Variants in MRGPRG observed in about 807,000 individuals in gnomAD.
MRGPRG encodes MAS related GPR family member G, also known as mas-related G protein-coupled receptor member G.
For missense variants in MRGPRG, 395 were observed against 394.7 expected (o/e 1.00, Z -0.01); for synonymous variants, 216 against 206.7 (o/e 1.05, Z -0.39).
At position 3,218,623 on chromosome 11, in the gene MRGPRG, C is replaced by T. The variant is rs745915499; in HGVS notation, c.191G>A (p.Arg64His). 2.6e-6 allele frequency: 4 copies of T among 1,545,966 alleles called. No homozygotes were observed. The highest frequency in any genetic ancestry group is 2.4e-5 in the East Asian group (1 of 40,866). ...AGCCTGAGCCACGGAGAAGCCCACA[C>T]GGCAGGAGAGGAACAGGAAGTCGGC... is the stretch of plus-strand genomic sequence containing the variant. ...AAADFLFLSC[R>H]VGFSVAQAAL... The change falls in exon 1 of 1, where the codon CGT becomes CAT. Residue 64 changes from arginine to histidine, a missense_variant. By Grantham distance (29) the Arg-to-His change is conservative. Transcript: ENST00000332314.
chr11:3,218,532 C>G lies in MRGPRG; in HGVS notation c.282G>C (p.Trp94Cys). ...LTFLWFAVGL[W>C]LLAAFSVERC... ...GCTCCACGCTGAAGGCCGCCAGCAG[C>G]CAGAGCCCCACCGCGAACCACAGGA... The change falls in exon 1 of 1, where the codon TGG (tryptophan) becomes TGC (cysteine). Residue 94 changes from tryptophan (W) to cysteine (C), a missense_variant. Physicochemically the swap from Trp to Cys is radical, Grantham distance 215 (BLOSUM62 -2). Transcript: ENST00000332314. The G allele has an allele frequency of 6.5e-7, 1 of 1,545,428 alleles. No individual in the cohort carries two copies. The highest frequency in any genetic ancestry group is 8.7e-7 in the Non-Finnish European group (1 of 1,143,898).
In MRGPRG at chr11:3,218,649, G is replaced by A; in HGVS notation, c.165C>T (p.Ala55=). The A allele has an allele frequency of 6.5e-7, 1 of 1,546,160 alleles. No individual in the cohort carries two copies. ...PFSIYLLHLA[A]ADFLFLSCRV... ...GGCAGGAGAGGAACAGGAAGTCGGC[G>A]GCGGCCAGGTGCAGCAGGTAGATGG... The change falls in exon 1 of 1, where the codon GCC becomes GCT. Residue 55 remains alanine (A), a synonymous_variant. Transcript: ENST00000332314.
At position 3,218,093 on chromosome 11, in the gene MRGPRG, C is replaced by G; in HGVS notation, c.721G>C (p.Val241Leu). 2 of 1,544,966 alleles carry G rather than the reference C, an allele frequency of 1.3e-6. 1 individual carries two copies. The highest frequency in any genetic ancestry group is 1.7e-6 in the Non-Finnish European group (2 of 1,143,548). ...FSPLATLLAC[V>L]NSSSKPLIYS... ...ATGAGGGGCTTGGAGCTGCTGTTGA[C>G]GCAGGCCAGCAGCGTGGCCAGCGGG... is the stretch of plus-strand genomic sequence containing the variant. Residue 241 changes from valine to leucine, a missense_variant, in exon 1 of 1, where the codon GTC becomes CTC. Physicochemically the swap from Val to Leu is conservative, Grantham distance 32 (BLOSUM62 1). Transcript: ENST00000332314.
rs1847652620 is a variant in MRGPRG at position 3,218,748 on chromosome 11, C to A, written c.66G>T (p.Val22=). Residue 22 remains valine, a synonymous_variant, in exon 1 of 1, where the codon GTG becomes GTT. Coordinates refer to ENST00000332314, the MANE Select transcript of MRGPRG (RefSeq NM_001164377.1). ...DSVVFYLTLI[V]GLGGPVGNGL... ...CGTTACCTACCGGTCCCCCGAGGCC[C>A]ACGATCAGCGTCAGGTAGAAGACCA... is the stretch of plus-strand genomic sequence containing the variant. 6 of 1,545,976 alleles carry A rather than the reference C, an allele frequency of 3.9e-6. No homozygotes were observed. The African/African-American group carries it at 8.2e-5, about 21-fold the overall frequency.
rs1029095207 is a variant in MRGPRG at position 3,217,959 on chromosome 11, G to T, written c.855C>A (p.Pro285=). 2 of 1,493,236 alleles carry T rather than the reference G, an allele frequency of 1.3e-6. No homozygotes were observed. The highest frequency in any genetic ancestry group is 2.8e-5 in the African/African-American group (2 of 71,348). 92.5% of individuals were successfully genotyped at this position (1,493,236 alleles called of 1,614,324 possible). Residue 285 remains proline, a synonymous_variant, in exon 1 of 1, where the codon CCC becomes CCA. Transcript: ENST00000332314. This position sits in a 1 kb window ranked among gnomAD's most constrained non-coding sequence, Gnocchi z 6.5. ...GCAAGCCCACTTATAGGAGACCCATGGGCAGGGACTGTCCCCTGGCACCCA... is the reference window on the plus strand; with the variant it reads ...GCAAGCCCACTTATAGGAGACCCATTGGCAGGGACTGTCCCCTGGCACCCA... ...AELGARGQSL[P]MGLL is the part of the protein sequence containing the mutation.
At position 3,218,513 on chromosome 11, in the gene MRGPRG, C is replaced by T. The variant is rs1451789518; in HGVS notation, c.301G>A (p.Val101Met). 6.5e-6 allele frequency: 10 copies of T among 1,544,948 alleles called. No homozygotes were observed. Among genetic ancestry groups the T allele is most frequent in the South Asian group, 1.2e-5 (1 of 83,494 alleles). Reference sequence around the variant, plus strand: ...AAGAGGTCGGAGAGGCAGCGCTCCACGCTGAAGGCCGCCAGCAGCCAGAGC... The same window carrying T: ...AAGAGGTCGGAGAGGCAGCGCTCCATGCTGAAGGCCGCCAGCAGCCAGAGC... ...VGLWLLAAFS[V>M]ERCLSDLFPA... The change falls in exon 1 of 1, where the codon GTG becomes ATG. Residue 101 changes from valine to methionine, a missense_variant. Transcript: ENST00000332314.
rs1272449364 is a variant in MRGPRG at position 3,218,471 on chromosome 11, C to G, written c.343G>C (p.Gly115Arg). ...LSDLFPACYQ[G>R]CRPRHASAVL... is the part of the protein sequence containing the mutation. ...GCCGAGGCGTGTCTGGGCCGGCAGC[C>G]CTGGTAGCAGGCGGGGAAGAGGTCG... Residue 115 changes from glycine to arginine, a missense_variant, in exon 1 of 1, where the codon GGC (glycine) becomes CGC (arginine). Physicochemically the swap from Gly to Arg is moderately radical, Grantham distance 125. Transcript: ENST00000332314. The G allele has an allele frequency of 9.7e-6, 15 of 1,543,336 alleles. 1 individual carries two copies. The Admixed American group carries it at 3.0e-4, about 30-fold the overall frequency.
At position 3,218,256 on chromosome 11, in the gene MRGPRG, G is replaced by T. The variant is rs973730438; in HGVS notation, c.558C>A (p.Thr186=). Residue 186 remains threonine (T), a synonymous_variant, in exon 1 of 1, where the codon ACC becomes ACA. Coordinates refer to ENST00000332314, the MANE Select transcript of MRGPRG (RefSeq NM_001164377.1). Reference sequence around the variant, plus strand: ...TGGGCCGCGGGCGAGTGGAGCAGCAGGTCACCCAGACAAAGAGGACCACGC... The same window carrying T: ...TGGGCCGCGGGCGAGTGGAGCAGCATGTCACCCAGACAAAGAGGACCACGC... ...TAGVVLFVWV[T]CCSTRPRPRL... The T allele has an allele frequency of 2.0e-6, 3 of 1,485,182 alleles. No individual in the cohort carries two copies. Among genetic ancestry groups the T allele is most frequent in the Middle Eastern group, 1.8e-4 (1 of 5,632 alleles). 92.0% of individuals were successfully genotyped at this position (1,485,182 alleles called of 1,614,324 possible).
chr11:3,218,440 A>C lies in MRGPRG; in HGVS notation c.374T>G (p.Leu125Arg). Residue 125 changes from leucine to arginine, a missense_variant, in exon 1 of 1, where the codon CTC becomes CGC. Leu to Arg is a moderately radical substitution (Grantham distance 102). Coordinates refer to ENST00000332314, the MANE Select transcript of MRGPRG (RefSeq NM_001164377.1). ...GCRPRHASAV[L>R]CALVWTPTLP... Reference sequence around the variant, plus strand: ...GGTCGGGGTCCACACCAGGGCGCAGAGGACGGCCGAGGCGTGTCTGGGCCG... The same window carrying C: ...GGTCGGGGTCCACACCAGGGCGCAGCGGACGGCCGAGGCGTGTCTGGGCCG... 6.5e-7 allele frequency: 1 copy of C among 1,538,778 alleles called. No individual in the cohort carries two copies. The highest frequency in any genetic ancestry group is 8.8e-7 in the Non-Finnish European group (1 of 1,142,704).
rs1847640767 is a variant in MRGPRG at position 3,217,957 on chromosome 11, A to G, written c.857T>C (p.Met286Thr). 3.4e-6 allele frequency: 5 copies of G among 1,491,672 alleles called. No individual in the cohort carries two copies. The East Asian group carries it at 1.2e-4, about 37-fold the overall frequency. The allele number at this position is 1,491,672 out of a possible 1,614,324, so 92.4% of individuals were successfully genotyped here. The change falls in exon 1 of 1, where the codon ATG (methionine) becomes ACG (threonine). Residue 286 changes from methionine to threonine, a missense_variant. Coordinates refer to ENST00000332314, the MANE Select transcript of MRGPRG (RefSeq NM_001164377.1). The surrounding 1 kb of genome is among the most constrained non-coding windows in gnomAD (Gnocchi z 6.5). ...ELGARGQSLP[M>T]GLL ...GGGCAAGCCCACTTATAGGAGACCC[A>G]TGGGCAGGGACTGTCCCCTGGCACC... is the stretch of plus-strand genomic sequence containing the variant.
chr11:3,218,750 C>T lies in MRGPRG; in HGVS notation c.64G>A (p.Val22Met). The T allele has an allele frequency of 1.9e-6, 3 of 1,545,852 alleles. No homozygotes were observed. The highest frequency in any genetic ancestry group is 1.4e-5 in the African/African-American group (1 of 72,880). ...DSVVFYLTLI[V>M]GLGGPVGNGL... ...TTACCTACCGGTCCCCCGAGGCCCA[C>T]GATCAGCGTCAGGTAGAAGACCACA... Residue 22 changes from valine to methionine, a missense_variant, in exon 1 of 1, where the codon GTG becomes ATG. Val to Met is a conservative substitution (Grantham distance 21). Coordinates refer to ENST00000332314, the MANE Select transcript of MRGPRG (RefSeq NM_001164377.1).
Position 3,218,140 on chromosome 11 carries a change from T to C in MRGPRG, c.674A>G (p.Asn225Ser), listed in dbSNP as rs1248568761. 1.3e-6 allele frequency: 2 copies of C among 1,544,290 alleles called. No individual in the cohort carries two copies. Among genetic ancestry groups the C allele is most frequent in the Non-Finnish European group, 1.7e-6 (2 of 1,143,302 alleles). ...VFYWSLQPLL[N>S]FLLPVFSPLA... ...CGGGGAAAACACGGGCAGCAGGAAG[T>C]TCAGCAGGGGCTGCAGGCTCCAGTA... The change falls in exon 1 of 1, where the codon AAC becomes AGC. Residue 225 changes from asparagine (N) to serine (S), a missense_variant. Asn to Ser is a conservative substitution (Grantham distance 46). Transcript: ENST00000332314.
In MRGPRG at chr11:3,218,255, A is replaced by C. The variant is rs1211254869; in HGVS notation, c.559T>G (p.Cys187Gly). Residue 187 changes from cysteine to glycine, a missense_variant, in exon 1 of 1, where the codon TGC becomes GGC. Physicochemically the swap from Cys to Gly is radical, Grantham distance 159. Coordinates refer to ENST00000332314, the MANE Select transcript of MRGPRG (RefSeq NM_001164377.1). ...AGVVLFVWVT[C>G]CSTRPRPRLY... ...CTGGGCCGCGGGCGAGTGGAGCAGC[A>C]GGTCACCCAGACAAAGAGGACCACG... 1 of 1,484,796 alleles carries C rather than the reference A, an allele frequency of 6.7e-7. No homozygotes were observed. The highest frequency in any genetic ancestry group is 9.0e-7 in the Non-Finnish European group (1 of 1,112,764). The allele number at this position is 1,484,796 out of a possible 1,614,324, so 92.0% of individuals were successfully genotyped here.
At position 3,218,490 on chromosome 11, in the gene MRGPRG, G is replaced by T. The variant is rs1387431860; in HGVS notation, c.324C>A (p.Leu108=). The part of the protein sequence containing the change: ...AFSVERCLSD[L]FPACYQGCRP... The stretch of plus-strand genomic sequence containing the variant: ...GGCAGCCCTGGTAGCAGGCGGGGAA[G>T]AGGTCGGAGAGGCAGCGCTCCACGC... Residue 108 remains leucine, a synonymous_variant, in exon 1 of 1, where the codon CTC becomes CTA. Transcript: ENST00000332314. 1 of 1,544,594 alleles carries T rather than the reference G, an allele frequency of 6.5e-7. No homozygotes were observed. The highest frequency in any genetic ancestry group is 2.0e-5 in the Admixed American group (1 of 50,838).
chr11:3,218,166 G>A lies in MRGPRG; in HGVS notation c.648C>T (p.Phe216=). 1 of 1,543,844 alleles carries A rather than the reference G, an allele frequency of 6.5e-7. No homozygotes were observed. The highest frequency in any genetic ancestry group is 8.8e-7 in the Non-Finnish European group (1 of 1,142,806). Residue 216 remains phenylalanine, a synonymous_variant, in exon 1 of 1, where the codon TTC becomes TTT. Transcript: ENST00000332314. ...LLFFCGLPSV[F]YWSLQPLLNF... is the part of the protein sequence containing the mutation. ...TCAGCAGGGGCTGCAGGCTCCAGTA[G>A]AAGACCGAGGGCAGGCCACAGAAGA...
chr11:3,218,790 C>T, the MRGPRG span: 2 of 1,543,880 alleles, frequency 1.3e-6, no homozygotes, highest in Non-Finnish European at 1.8e-6. Flanking sequence ...CGAAGGTTCT[C>T]CAGAGGCCGA....
chr11:3,217,989 G>T lies in MRGPRG; in HGVS notation c.825C>A (p.Ala275=). 1.3e-6 allele frequency: 2 copies of T among 1,519,678 alleles called. No individual in the cohort carries two copies. The highest frequency in any genetic ancestry group is 1.2e-5 in the South Asian group (1 of 81,126). The allele number at this position is 1,519,678 out of a possible 1,614,324, so 94.1% of individuals were successfully genotyped here. A position where few individuals can be genotyped will look rare whatever the true frequency, so the allele number is the denominator to read the frequency against. Residue 275 remains alanine (A), a synonymous_variant, in exon 1 of 1, where the codon GCC becomes GCA. Transcript: ENST00000332314. The surrounding 1 kb of genome is among the most constrained non-coding windows in gnomAD (Gnocchi z 6.5). ...GGGACTGTCCCCTGGCACCCAGCTC[G>T]GCGCCCTCCCCCAGGGCCCTCCGCA... ...SVLRRALGEG[A]ELGARGQSLP... is the part of the protein sequence containing the mutation.
Position 3,218,327 on chromosome 11 carries a change from T to C in MRGPRG, c.487A>G (p.Ser163Gly). ...GCCAGCACCAGGAACCAGGTGACGC[T>C]GGCCACGTGGTAGCGCGGGCAGACC... ...PLVCPRYHVA[S>G]VTWFLVLARV... Residue 163 changes from serine to glycine, a missense_variant, in exon 1 of 1, where the codon AGC (serine) becomes GGC (glycine). Coordinates refer to ENST00000332314, the MANE Select transcript of MRGPRG (RefSeq NM_001164377.1). The C allele has an allele frequency of 6.9e-7, 1 of 1,454,200 alleles. No homozygotes were observed. The highest frequency in any genetic ancestry group is 9.1e-7 in the Non-Finnish European group (1 of 1,103,110). The allele number at this position is 1,454,200 out of a possible 1,614,324, so 90.1% of individuals were successfully genotyped here. A position where few individuals can be genotyped will look rare whatever the true frequency, so the allele number is the denominator to read the frequency against.
Position 3,218,695 on chromosome 11 carries a change from C to T in MRGPRG, c.119G>A (p.Arg40His), listed in dbSNP as rs778943917. Residue 40 changes from arginine (R) to histidine (H), a missense_variant, in exon 1 of 1, where the codon CGC (arginine) becomes CAC (histidine). Physicochemically the swap from Arg to His is conservative, Grantham distance 29. Transcript: ENST00000332314. ...NGLVLWNLGFRIKKGPFSIYL... is the reference protein window; with the variant it reads ...NGLVLWNLGFHIKKGPFSIYL... ...GATGGAGAAGGGGCCCTTCTTGATG[C>T]GGAAGCCGAGGTTCCAGAGCACCAG... is the stretch of plus-strand genomic sequence containing the variant. The T allele has an allele frequency of 2.1e-5, 32 of 1,545,924 alleles. 3 individuals carry two copies. In the Admixed American group the frequency reaches 3.9e-4, roughly 19 times the overall value.
Sources: allele counts gnomAD v4.1 joint callset, GRCh38; gene constraint gnomAD v4.1.1; non-coding constraint Gnocchi (gnomAD v3.1); transcripts MANE v1.5; gene names NCBI Gene and HGNC (gene_info 2026-07-23, HGNC 2026-07-21).